The following HECTD2 variants were observed in gnomAD, a reference collection of about 807,000 sequenced individuals.
HECTD2 encodes the protein HECT domain E3 ubiquitin protein ligase 2, also known as probable E3 ubiquitin-protein ligase HECTD2.
A neutral mutation model predicts 103.2 loss-of-function variants in HECTD2; 35 were observed. The observed-to-expected ratio is 0.34, with a 90% CI of 0.26 to 0.45. HECTD2 has a LOEUF of 0.45. Among genes scored for constraint, HECTD2 ranks in the 20% least tolerant of loss-of-function variants. HECTD2 has a pLI of 1.00. For missense variants in HECTD2, 596 were observed against 937.4 expected, an observed-to-expected ratio of 0.64 and a Z score of 4.76; for synonymous variants, 281 against 329.9, an observed-to-expected ratio of 0.85 and a Z score of 1.61.
intron 1 of HECTD2, among the ~76,000 whole-genome samples, chr10:91,423,870 A>C (rs781059645): frequency 2.0e-5 from 3 of 152,116 alleles, no homozygotes; most frequent in Non-Finnish European, 4.4e-5. Flanking sequence ...GAATGATTAT[A>C]ATTTTAGTGG....
rs1348799970 is a variant in HECTD2, at chr10:91,513,714, T to G, written c.*1330T>G. 1 of 152,602 alleles carries G rather than the reference T, an allele frequency of 6.6e-6. No individual in the cohort carries two copies. The highest frequency in any genetic ancestry group is 1.5e-5 in the Non-Finnish European group (1 of 68,030). The allele number at this position is 152,602 out of a possible 1,614,324, so 9.5% of individuals were successfully genotyped here. A position where few individuals can be genotyped will look rare whatever the true frequency, so the allele number is the denominator to read the frequency against. Reference sequence around the variant, plus strand: ...TTTGCAATAATAATGAAACCAGCATTTAGTACCAGCATATGGTTCATATGC... The same window carrying G: ...TTTGCAATAATAATGAAACCAGCATGTAGTACCAGCATATGGTTCATATGC... On this transcript the variant is annotated 3_prime_UTR_variant, in exon 21 of 21. Transcript: ENST00000298068.
At chr10:91,468,740 C>T (rs1374907726) in intron 5 of HECTD2, among the ~76,000 whole-genome samples, 1 of 151,934 alleles carries the variant, frequency 6.6e-6, no homozygotes, top group Non-Finnish European at 1.5e-5. Flanking sequence ...CTGAAAAACT[C>T]ACTTCACAAA....
At chr10:91,466,638 A>G (rs1455486699) in intron 5 of HECTD2, among the ~76,000 whole-genome samples, 3 of 152,182 alleles carry the variant, frequency 2.0e-5, no homozygotes, top group Non-Finnish European at 4.4e-5. Flanking sequence ...CAGGCTTACC[A>G]TATGATCCCT....
rs544847820 is a variant in HECTD2 at position 91,415,394 on chromosome 10, C to G, written c.138+4818C>G. On this transcript the variant is annotated intron_variant, in intron 1 of 20. Coordinates refer to ENST00000298068, the MANE Select transcript of HECTD2 (RefSeq NM_182765.6). ...ATAAACTACAGATATTACAAATATA[C>G]AAAATAAGTGTTTATAACAATAATA... Among the ~76,000 whole-genome samples, 8 of 152,198 alleles carry G rather than the reference C, an allele frequency of 5.3e-5. No homozygotes were observed. In the South Asian group the frequency reaches 1.5e-3, roughly 28 times the overall value.
chr10:91,482,058 TGTAGAGATA>T (rs1846107878), intron 7 of HECTD2, among the ~76,000 whole-genome samples: 1 of 151,612 alleles, frequency 6.6e-6, no homozygotes. Context: ...AATAAACATA[TGTAGAGATA>T]GTAAAAGCTA....
chr10:91,491,729 C>T (rs374930274), intron 12 of HECTD2, among the ~76,000 whole-genome samples: 3 of 152,262 alleles, frequency 2.0e-5, no homozygotes, highest in African/African-American at 7.2e-5. Flanking sequence ...TGGGTCTATA[C>T]AGGTTCTAAC....
At chr10:91,412,368 A>G (rs938622519) in intron 1 of HECTD2, among the ~76,000 whole-genome samples, 22 of 152,242 alleles carry the variant, frequency 1.4e-4, no homozygotes, top group African/African-American at 5.3e-4. Context: ...GAATATATTC[A>G]AGAAAAAAAT....
chr10:91,409,476 C>G (rs1842828047), upstream of HECTD2: 1 of 152,648 alleles, frequency 6.6e-6, no homozygotes, highest in South Asian at 2.1e-4. Flanking sequence ...GGATAGGAGA[C>G]AGCAAAGGGT....
chr10:91,431,448 T>C (rs1843863205), intron 2 of HECTD2, among the ~76,000 whole-genome samples: 1 of 152,148 alleles, frequency 6.6e-6, no homozygotes, highest in African/African-American at 2.4e-5. Context: ...TTGGGGAAGT[T>C]CTCCTGGATA....
intron 2 of HECTD2, among the ~76,000 whole-genome samples, chr10:91,426,148 G>A (rs1190327260): frequency 3.3e-5 from 5 of 152,024 alleles, no homozygotes; most frequent in Admixed American, 3.3e-4. Context: ...TGTACTTTGA[G>A]CATAGAGGGG....
chr10:91,497,126 ATTTTTTTTTT>A (rs56923120), intron 15 of HECTD2, among the ~76,000 whole-genome samples: 1 of 97,360 alleles, frequency 1.0e-5, no homozygotes, highest in Non-Finnish European at 1.9e-5. Context: ...TGCCCGGCAA[ATTTTTTTTTT>A]TTTTTTTTTT....
chr10:91,493,003 T>A (rs991189912), intron 13 of HECTD2, among the ~76,000 whole-genome samples: 4 of 151,814 alleles, frequency 2.6e-5, no homozygotes, highest in Non-Finnish European at 5.9e-5. Flanking sequence ...TTTTCCTTAT[T>A]CTTTAGTTTT....
chr10:91,461,226 A>G (rs373323152), intron 3 of HECTD2, 28 bp from the exon 4 acceptor site: 3 of 978,808 alleles, frequency 3.1e-6, no homozygotes, highest in Admixed American at 2.3e-5. Flanking sequence ...TTCTATATGT[A>G]TATACGGTTA....
In HECTD2 at chr10:91,487,644, C is replaced by A; in HGVS notation, c.1095-38C>A. 1 of 1,303,522 alleles carries A rather than the reference C, an allele frequency of 7.7e-7. No individual in the cohort carries two copies. The highest frequency in any genetic ancestry group is 1.5e-5 in the African/African-American group (1 of 68,814). The allele number at this position is 1,303,522 out of a possible 1,614,324, so 80.7% of individuals were successfully genotyped here. A position where few individuals can be genotyped will look rare whatever the true frequency, so the allele number is the denominator to read the frequency against. On this transcript the variant is annotated intron_variant, in intron 10 of 20. Coordinates refer to ENST00000298068, the MANE Select transcript of HECTD2 (RefSeq NM_182765.6). This position sits in a 1 kb window ranked among gnomAD's most constrained non-coding sequence, Gnocchi z 4.1. The stretch of plus-strand genomic sequence containing the variant: ...CCTTAGTATAATTTTGTTAAAAATA[C>A]ACCATTTTGCTTTTTCTTTTTTTCA...
At chr10:91,485,757 A>G (rs1397125187) in intron 10 of HECTD2, 1 of 153,640 alleles carries the variant, frequency 6.5e-6, no homozygotes, top group Non-Finnish European at 1.4e-5. Context: ...AACAGGTTGT[A>G]GGCCATATTT....
At chr10:91,469,005 A>C (rs1845632128) in intron 5 of HECTD2, among the ~76,000 whole-genome samples, 1 of 152,074 alleles carries the variant, frequency 6.6e-6, no homozygotes, top group Non-Finnish European at 1.5e-5. Flanking sequence ...CAAGCTAAAG[A>C]AAGAATTTCA....
At chr10:91,433,090 C>T (rs905620794) in intron 2 of HECTD2, among the ~76,000 whole-genome samples, 4 of 152,006 alleles carry the variant, frequency 2.6e-5, no homozygotes, top group Non-Finnish European at 4.4e-5. Context: ...GCCCAAATAA[C>T]TCCATCTACA....
rs1391623743 is a variant in HECTD2 at position 91,410,447 on chromosome 10, G to A, written c.9G>A (p.Glu3=). 1.7e-5 allele frequency: 24 copies of A among 1,450,494 alleles called. No individual in the cohort carries two copies. The highest frequency in any genetic ancestry group is 2.2e-5 in the Non-Finnish European group (24 of 1,105,454). The allele number at this position is 1,450,494 out of a possible 1,614,324, so 89.9% of individuals were successfully genotyped here. A position where few individuals can be genotyped will look rare whatever the true frequency, so the allele number is the denominator to read the frequency against. The change falls in exon 1 of 21, where the codon GAG becomes GAA. Residue 3 remains glutamate, a synonymous_variant. Transcript: ENST00000298068. MS[E]AVRVPSPATP... Reference sequence around the variant, plus strand: ...CCGCCGCCCGGCCCGACATGAGTGAGGCGGTTCGGGTACCCTCGCCCGCCA... The same window carrying A: ...CCGCCGCCCGGCCCGACATGAGTGAAGCGGTTCGGGTACCCTCGCCCGCCA...
chr10:91,435,418 G>A (rs1053145782), intron 2 of HECTD2, among the ~76,000 whole-genome samples: 7 of 151,896 alleles, frequency 4.6e-5, no homozygotes, highest in Admixed American at 6.6e-5. Flanking sequence ...AGGAGAGCAG[G>A]GACTTCATGA....
Sources: gnomAD v4.1 joint callset for allele counts (sites outside exome capture counted in the v4.1 genomes callset) on GRCh38, gnomAD v4.1.1 for gene constraint, Gnocchi (gnomAD v3.1) non-coding constraint, MANE v1.5 for transcripts, NCBI Gene and HGNC (gene_info 2026-07-23, HGNC 2026-07-21) for gene names.